Variants in FAM171A1 observed in about 807,000 individuals in gnomAD.
The protein encoded by FAM171A1 is protein FAM171A1.
A neutral mutation model predicts 74.9 loss-of-function variants in FAM171A1; 23 were observed. The ratio of observed to expected loss-of-function variants is 0.31; its 90% CI spans 0.22 to 0.44. The LOEUF (loss-of-function observed/expected upper bound fraction) is 0.44, where lower values mean the gene tolerates loss of function less well. Ranked by LOEUF, FAM171A1 falls within the 20% of genes least tolerant of loss-of-function variation. The probability of loss-of-function intolerance (pLI) is 1.00; values close to 1 mark genes in which losing one functional copy is unlikely to be tolerated. For missense variants in FAM171A1, 1,162 were observed against 1,159.2 expected (o/e 1.00, Z -0.03); for synonymous variants, 527 against 505.7 (o/e 1.04, Z -0.57).
At chr10:15,316,287 A>T (rs1835420557) in intron 1 of FAM171A1, among the ~76,000 whole-genome samples, 2 of 152,176 alleles carry the variant, frequency 1.3e-5, no homozygotes, top group African/African-American at 2.4e-5. Context: ...TTAGAGTGTC[A>T]GGCTGCCTCT....
intron 1 of FAM171A1, among the ~76,000 whole-genome samples, chr10:15,366,283 C>T (rs1588574285): frequency 6.6e-6 from 1 of 152,108 alleles, no homozygotes; most frequent in Non-Finnish European, 1.5e-5. Context: ...CCATGCTTGG[C>T]TACGTTTTGT....
At chr10:15,258,195 C>T (rs563334893) in intron 3 of FAM171A1, among the ~76,000 whole-genome samples, 38 of 151,950 alleles carry the variant, frequency 2.5e-4, no homozygotes, top group Admixed American at 5.9e-4. Flanking sequence ...CAAGTAGCTG[C>T]GATTACAAGT....
intron 3 of FAM171A1, among the ~76,000 whole-genome samples, chr10:15,259,607 C>A (rs781014785): frequency 2.2e-4 from 34 of 152,064 alleles, no homozygotes; most frequent in African/African-American, 6.5e-4. Context: ...AAGAAGGAAC[C>A]CTTTCCTCTT....
Position 15,370,971 on chromosome 10 carries a change from CG to C in FAM171A1, c.81del (p.Gly28AlafsTer7). On this transcript the variant is annotated frameshift_variant, in exon 1 of 8. Coordinates refer to ENST00000378116, the MANE Select transcript of FAM171A1 (RefSeq NM_001010924.2). LOFTEE classifies it high-confidence loss of function. ...GCCCACTGACCTTGGGCTCCGGCGC[CG>C]GGCTCCCGCAGCGTCTTGGTCACCG... ...WKAVTKTLRE[P>X]GAGAQEVTLK... 1 of 1,179,824 alleles carries C rather than the reference CG, an allele frequency of 8.5e-7. No homozygotes were observed. The highest frequency in any genetic ancestry group is 1.1e-6 in the Non-Finnish European group (1 of 932,290). 73.1% of individuals were successfully genotyped at this position (1,179,824 alleles called of 1,614,324 possible). A position where few individuals can be genotyped will look rare whatever the true frequency, so the allele number is the denominator to read the frequency against.
chr10:15,272,484 G>T (rs529625136), intron 3 of FAM171A1, among the ~76,000 whole-genome samples: 1 of 152,072 alleles, frequency 6.6e-6, no homozygotes, highest in Admixed American at 6.6e-5. Context: ...ACAGATCAAC[G>T]AGACAGAAAG....
chr10:15,224,838 C>A (rs765586033), intron 5 of FAM171A1, among the ~76,000 whole-genome samples: 14 of 152,206 alleles, frequency 9.2e-5, no homozygotes, highest in Non-Finnish European at 1.8e-4. Flanking sequence ...CAGACTAATA[C>A]AGTCCCCAAC....
upstream of FAM171A1, among the ~76,000 whole-genome samples, chr10:15,373,811 T>C (rs1345056179): frequency 6.6e-6 from 1 of 152,224 alleles, no homozygotes; most frequent in East Asian, 1.9e-4. Context: ...TTTGTGATCT[T>C]AGTATAGAGT....
Position 15,301,756 on chromosome 10 carries a change from A to G in FAM171A1, c.98-17651T>C, listed in dbSNP as rs142758031. ...CTGGCTACTACTGCTGCTCTGAGTA[A>G]TAAACATCCCTTATCTCTGACCGGG... On this transcript the variant is annotated intron_variant, in intron 1 of 7. Coordinates refer to ENST00000378116, the MANE Select transcript of FAM171A1 (RefSeq NM_001010924.2). 1.6e-3 allele frequency among the ~76,000 whole-genome samples: 237 copies of G among 152,298 alleles called. 1 individual carries two copies. The highest frequency in any genetic ancestry group is 5.5e-3 in the African/African-American group (228 of 41,574).
chr10:15,373,696 T>G (rs1157466351), upstream of FAM171A1, among the ~76,000 whole-genome samples: 1 of 152,192 alleles, frequency 6.6e-6, no homozygotes, highest in Non-Finnish European at 1.5e-5. Context: ...TTTTTGTAAC[T>G]TTTTATGAGT....
intron 5 of FAM171A1, among the ~76,000 whole-genome samples, chr10:15,247,636 G>A (rs1834451926): frequency 6.6e-6 from 1 of 151,860 alleles, no homozygotes; most frequent in African/African-American, 2.4e-5. Flanking sequence ...TTTGGGATTA[G>A]GTTACAAAAG....
chr10:15,319,203 G>A (rs1047441823), intron 1 of FAM171A1, among the ~76,000 whole-genome samples: 3 of 152,132 alleles, frequency 2.0e-5, no homozygotes, highest in Non-Finnish European at 4.4e-5. Context: ...CTGACTCATG[G>A]GATGTCTACC....
intron 1 of FAM171A1, among the ~76,000 whole-genome samples, chr10:15,368,051 T>A (rs897826343): frequency 6.6e-6 from 1 of 152,168 alleles, no homozygotes; most frequent in Non-Finnish European, 1.5e-5. Context: ...TGAACAACAA[T>A]TTTGAAAAAT....
At chr10:15,236,454 C>T (rs1411402944) in intron 5 of FAM171A1, among the ~76,000 whole-genome samples, 1 of 151,918 alleles carries the variant, frequency 6.6e-6, no homozygotes, top group Non-Finnish European at 1.5e-5. Context: ...TTATGATCCC[C>T]ATTTTATAGA....
At chr10:15,275,828 A>T in intron 3 of FAM171A1, 27 bp downstream of exon 3, 1 of 1,456,392 alleles carries the variant, frequency 6.9e-7, no homozygotes, top group Non-Finnish European at 9.4e-7. Context: ...AAATAACAAT[A>T]AAAACTGAAA....
At chr10:15,342,309 C>G (rs1835773282) in intron 1 of FAM171A1, among the ~76,000 whole-genome samples, 1 of 152,186 alleles carries the variant, frequency 6.6e-6, no homozygotes, top group African/African-American at 2.4e-5. Context: ...GTGGCTCACG[C>G]CTGTAATCCC....
At chr10:15,236,517 G>A (rs951050955) in intron 5 of FAM171A1, among the ~76,000 whole-genome samples, 2 of 151,844 alleles carry the variant, frequency 1.3e-5, no homozygotes, top group African/African-American at 2.4e-5. Context: ...ACCACACAAC[G>A]AGTCACCAGA....
chr10:15,331,612 T>C (rs1051449920), intron 1 of FAM171A1, among the ~76,000 whole-genome samples: 1 of 151,834 alleles, frequency 6.6e-6, no homozygotes, highest in African/African-American at 2.4e-5. Flanking sequence ...TACTCTTTCA[T>C]CATACTCCTG....
chr10:15,316,973 T>G (rs952085272), intron 1 of FAM171A1, among the ~76,000 whole-genome samples: 10 of 151,454 alleles, frequency 6.6e-5, no homozygotes, highest in African/African-American at 2.4e-4. Context: ...ATGCAAGGAC[T>G]GAAGAGTTCA....
At chr10:15,220,872 G>T in intron 6 of FAM171A1, 72 bp downstream of exon 6, 1 of 1,067,116 alleles carries the variant, frequency 9.4e-7, no homozygotes, top group Non-Finnish European at 1.4e-6. Flanking sequence ...ATTTTCAAGA[G>T]CATACTTAGC....
Sources: gnomAD v4.1 joint callset for allele counts (sites outside exome capture counted in the v4.1 genomes callset) on GRCh38, gnomAD v4.1.1 for gene constraint, MANE v1.5 for transcripts, NCBI Gene and HGNC (gene_info 2026-07-23, HGNC 2026-07-21) for gene names.